The following RBM19 variants were observed in gnomAD, a reference collection of about 807,000 sequenced individuals.
The protein encoded by RBM19 is probable RNA-binding protein 19.
A neutral mutation model predicts 116.8 loss-of-function variants in RBM19; 94 were observed. The ratio of observed to expected loss-of-function variants is 0.80; its 90% CI spans 0.68 to 0.95. RBM19 has a LOEUF of 0.95. Ranked by LOEUF, RBM19 falls within the 40% of genes least tolerant of loss-of-function variation. The probability of loss-of-function intolerance (pLI) is 0.00; values close to 1 mark genes in which losing one functional copy is unlikely to be tolerated. For synonymous variants in RBM19, 475 were observed against 494.1 expected (o/e 0.96, Z 0.51); for missense variants, 1,161 against 1,220.7 (o/e 0.95, Z 0.73).
chr12:113,935,164 G>A (rs1192126944), intron 16 of RBM19, among the ~76,000 whole-genome samples: 1 of 152,168 alleles, frequency 6.6e-6, no homozygotes, highest in Non-Finnish European at 1.5e-5. Context: ...TGGTGGAAGC[G>A]GTCACTTTGG....
At chr12:113,832,194 T>C (rs1435797127) in intron 23 of RBM19, among the ~76,000 whole-genome samples, 1 of 139,050 alleles carries the variant, frequency 7.2e-6, no homozygotes. Context: ...ATTTCTTTTT[T>C]CTTTTTTTTT....
intron 16 of RBM19, among the ~76,000 whole-genome samples, chr12:113,928,270 G>C (rs1869288384): frequency 6.6e-6 from 1 of 152,154 alleles, no homozygotes; most frequent in Non-Finnish European, 1.5e-5. Context: ...CTGGGAGGCA[G>C]AGGTTGCAGT....
At chr12:113,935,700 G>A (rs1379265895) in intron 16 of RBM19, among the ~76,000 whole-genome samples, 1 of 152,162 alleles carries the variant, frequency 6.6e-6, no homozygotes, top group Non-Finnish European at 1.5e-5. Flanking sequence ...TGAGAAATGT[G>A]GACAAGGCAG....
At position 113,939,352 on chromosome 12, in the gene RBM19, T is replaced by C. The variant is rs571353545; in HGVS notation, c.1938+608A>G. Among the ~76,000 whole-genome samples, 3 of 151,988 alleles carry C rather than the reference T, an allele frequency of 2.0e-5. No homozygotes were observed. The East Asian group carries it at 5.8e-4, about 30-fold the overall frequency. ...TCAAAAAAATAATGAACACATTTAA[T>C]TAAAATTAAAATGCTAATCCAAATT... On this transcript the variant is annotated intron_variant, in intron 15 of 23. Coordinates refer to ENST00000261741, the MANE Select transcript of RBM19 (RefSeq NM_016196.4).
At chr12:113,962,158 C>T in intron 2 of RBM19, 74 bp downstream of exon 2, 1 of 1,546,922 alleles carries the variant, frequency 6.5e-7, no homozygotes, top group South Asian at 1.2e-5. Context: ...GGTCTTTGAA[C>T]TCAAGTGCTG....
intron 23 of RBM19, among the ~76,000 whole-genome samples, chr12:113,834,762 T>G (rs746245488): frequency 2.0e-5 from 3 of 152,160 alleles, no homozygotes; most frequent in African/African-American, 4.8e-5. Context: ...CACCCAGGTA[T>G]AGACATTAAC....
rs766739457 is a variant in RBM19 at position 113,844,695 on chromosome 12, G to C, written c.2758C>G (p.Arg920Gly). 6.2e-7 allele frequency: 1 copy of C among 1,611,510 alleles called. No individual in the cohort carries two copies. The highest frequency in any genetic ancestry group is 8.5e-7 in the Non-Finnish European group (1 of 1,179,112). ...TGAAAGTGAGCGGCCGTCTTCCGCC[G>C]CAGGGCCTGCAGGGTCACCTCGGAG... ...ADSEVTLQAL[R>G]RKTAAHFHEP... is the part of the protein sequence containing the mutation. The change falls in exon 23 of 24, where the codon CGG becomes GGG. Residue 920 changes from arginine (R) to glycine (G), a missense_variant. Physicochemically the swap from Arg to Gly is moderately radical, Grantham distance 125. Transcript: ENST00000261741.
At chr12:113,953,928 C>T (rs112448248) in intron 7 of RBM19, among the ~76,000 whole-genome samples, 45 of 152,250 alleles carry the variant, frequency 3.0e-4, no homozygotes, top group African/African-American at 1.0e-3. Flanking sequence ...ACATATTTAC[C>T]ATCTGGCCTT....
At chr12:113,922,991 G>A (rs879432370) in intron 18 of RBM19, among the ~76,000 whole-genome samples, 10 of 152,154 alleles carry the variant, frequency 6.6e-5, no homozygotes, top group Non-Finnish European at 1.3e-4. Flanking sequence ...AAAATTAGCC[G>A]GGTGTGGTGA....
At chr12:113,918,558 C>G in intron 19 of RBM19, 111 bp from the exon 20 acceptor site, 1 of 1,111,216 alleles carries the variant, frequency 9.0e-7, no homozygotes, top group Admixed American at 2.1e-5. Flanking sequence ...CTGATTGTTC[C>G]CCGGGGAGTG....
intron 21 of RBM19, among the ~76,000 whole-genome samples, chr12:113,888,283 T>C (rs1880683858): frequency 1.3e-5 from 2 of 152,168 alleles, no homozygotes; most frequent in Non-Finnish European, 2.9e-5. Flanking sequence ...TTTAATGACA[T>C]AACAAATAAC....
In RBM19 at chr12:113,830,576, G is replaced by C. The variant is rs930705951; in HGVS notation, c.2786-7255C>G. On this transcript the variant is annotated intron_variant, in intron 23 of 23. Transcript: ENST00000261741. ...TTACCCTGAGCTAGGGCTGCGGGGC[G>C]GGGGGGGGGGGGGTGGGCTATGCCT... Among the ~76,000 whole-genome samples, 143 of 58,188 alleles carry C rather than the reference G, an allele frequency of 2.5e-3. 15 individuals carry two copies. The highest frequency in any genetic ancestry group is 0.015 in the African/African-American group (124 of 8,418). The allele number at this position is 58,188 out of a possible 152,430, so 38.2% of individuals were successfully genotyped here.
chr12:113,873,986 A>T (rs1879482215), intron 21 of RBM19, among the ~76,000 whole-genome samples: 1 of 152,122 alleles, frequency 6.6e-6, no homozygotes, highest in Non-Finnish European at 1.5e-5. Flanking sequence ...CTAGAAACCC[A>T]GTCACCGCCC....
intron 23 of RBM19, among the ~76,000 whole-genome samples, chr12:113,827,516 G>GC (rs966190125): frequency 6.6e-6 from 1 of 150,732 alleles, no homozygotes; most frequent in African/African-American, 2.4e-5. Context: ...GGGAGAAAGG[G>GC]CGGGGGGGCG....
chr12:113,917,804 T>C (rs1221582633), intron 20 of RBM19, among the ~76,000 whole-genome samples: 4 of 152,164 alleles, frequency 2.6e-5, no homozygotes, highest in Admixed American at 6.5e-5. Flanking sequence ...TCGGGTGTAA[T>C]AGTTCATTTA....
intron 21 of RBM19, among the ~76,000 whole-genome samples, chr12:113,882,299 T>G (rs573662324): frequency 1.8e-4 from 27 of 152,102 alleles, no homozygotes; most frequent in African/African-American, 6.5e-4. Flanking sequence ...CCATTGAGAG[T>G]TGTCCCAAAC....
chr12:113,835,037 G>A (rs192144227), intron 23 of RBM19, among the ~76,000 whole-genome samples: 90 of 152,234 alleles, frequency 5.9e-4, no homozygotes, highest in African/African-American at 2.1e-3. Flanking sequence ...GACCAGCGGT[G>A]CTTCGAAGCA....
In RBM19 at chr12:113,946,420, G is replaced by A; in HGVS notation, c.1463C>T (p.Ala488Val). The A allele has an allele frequency of 6.2e-7, 1 of 1,614,090 alleles. No homozygotes were observed. The highest frequency in any genetic ancestry group is 2.2e-5 in the East Asian group (1 of 44,860). ...STIKKEASED[A>V]SALGSSSYKK... is the part of the protein sequence containing the mutation. ...GTAGGACGACGATCCCAGGGCACTG[G>A]CATCCTCGCTGGCTTCCTTCTTGAT... The change falls in exon 12 of 24, where the codon GCC (alanine) becomes GTC (valine). Residue 488 changes from alanine (A) to valine (V), a missense_variant. Coordinates refer to ENST00000261741, the MANE Select transcript of RBM19 (RefSeq NM_016196.4).
chr12:113,946,223 G>C, intron 12 of RBM19, 131 bp downstream of exon 12: 1 of 1,278,890 alleles, frequency 7.8e-7, no homozygotes, highest in East Asian at 2.4e-5. Context: ...TTACAGATGA[G>C]AAAACTGAAG....
Sources: gnomAD v4.1 joint callset for allele counts (sites outside exome capture counted in the v4.1 genomes callset) on GRCh38, gnomAD v4.1.1 for gene constraint, MANE v1.5 for transcripts, NCBI Gene and HGNC (gene_info 2026-07-23, HGNC 2026-07-21) for gene names.